Variants in TMPRSS11F observed in about 807,000 individuals in gnomAD.
The protein encoded by TMPRSS11F is transmembrane serine protease 11F.
Under a neutral mutation model 60.2 loss-of-function variants are expected in TMPRSS11F, and 47 were observed. The observed-to-expected ratio is 0.78, with a 90% CI of 0.62 to 1.00. The LOEUF is 1.00. TMPRSS11F is among the 50% of genes least tolerant of loss of function. TMPRSS11F has a pLI of 0.00. For missense variants in TMPRSS11F, 519 were observed against 522.9 expected (o/e 0.99, Z 0.07); for synonymous variants, 166 against 167.3 (o/e 0.99, Z 0.06).
At chr4:68,065,216 C>A (rs1723300401) in intron 7 of TMPRSS11F, among the ~76,000 whole-genome samples, 1 of 152,092 alleles carries the variant, frequency 6.6e-6, no homozygotes, top group Non-Finnish European at 1.5e-5. Flanking sequence ...TTTCAACAAA[C>A]TGTGTAGTAA....
chr4:68,123,986 G>A (rs535866897), intron 1 of TMPRSS11F, among the ~76,000 whole-genome samples: 6 of 152,020 alleles, frequency 3.9e-5, no homozygotes, highest in Non-Finnish European at 8.8e-5. Flanking sequence ...TCTGGGAGGC[G>A]GAGGCAGGTA....
At chr4:68,086,556 A>T (rs559208667) in intron 3 of TMPRSS11F, among the ~76,000 whole-genome samples, 17 of 152,222 alleles carry the variant, frequency 1.1e-4, no homozygotes, top group Admixed American at 5.2e-4. Context: ...AGACACAAAA[A>T]TCTGTTAAAA....
intron 1 of TMPRSS11F, among the ~76,000 whole-genome samples, chr4:68,108,564 A>G (rs1187544221): frequency 6.6e-6 from 1 of 152,160 alleles, no homozygotes; most frequent in East Asian, 1.9e-4. Flanking sequence ...CCCAGCCCCT[A>G]CTGATGTCTC....
At chr4:68,062,582 C>T in intron 8 of TMPRSS11F, 4 of 858,078 alleles carry the variant, frequency 4.7e-6, no homozygotes, top group Non-Finnish European at 8.1e-6. Context: ...ACGTACTTGC[C>T]GTCCTTTTGA....
intron 1 of TMPRSS11F, among the ~76,000 whole-genome samples, chr4:68,106,940 T>C (rs1724313950): frequency 6.6e-6 from 1 of 152,218 alleles, no homozygotes; most frequent in Non-Finnish European, 1.5e-5. Context: ...TATAGCTGAC[T>C]TTCAAAATCA....
rs954464488 is a variant in TMPRSS11F at position 68,090,790 on chromosome 4, C to T, written c.164-149G>A. On this transcript the variant is annotated intron_variant, in intron 2 of 9. Coordinates refer to ENST00000356291, the MANE Select transcript of TMPRSS11F (RefSeq NM_207407.2). Reference sequence around the variant, plus strand: ...TTCTTGAAGACACTTCTCAAATACTCTGTAATTTCACCACTGCTGCTGGTT... The same window carrying T: ...TTCTTGAAGACACTTCTCAAATACTTTGTAATTTCACCACTGCTGCTGGTT... The T allele has an allele frequency of 3.8e-6, 5 of 1,332,664 alleles. No individual in the cohort carries two copies. The African/African-American group carries it at 4.5e-5, about 12-fold the overall frequency. The allele number at this position is 1,332,664 out of a possible 1,614,324, so 82.6% of individuals were successfully genotyped here.
chr4:68,057,104 G>A (rs1723062604), intron 9 of TMPRSS11F, among the ~76,000 whole-genome samples: 1 of 151,924 alleles, frequency 6.6e-6, no homozygotes, highest in Non-Finnish European at 1.5e-5. Context: ...GGCCAACATG[G>A]AGAAACCTCA....
intron 9 of TMPRSS11F, 112 bp downstream of exon 9, chr4:68,059,214 T>C (rs900575571): frequency 2.2e-5 from 24 of 1,066,796 alleles, no homozygotes; most frequent in Non-Finnish European, 3.2e-5. Flanking sequence ...TAAAGTCAGT[T>C]CTCGGTGTAA....
intron 1 of TMPRSS11F, among the ~76,000 whole-genome samples, chr4:68,111,071 T>C (rs1724402055): frequency 6.6e-6 from 1 of 152,146 alleles, no homozygotes; most frequent in Admixed American, 6.6e-5. Context: ...GAGACTGTTT[T>C]TATACAAATT....
At chr4:68,054,856 AAACAAC>A (rs375147874) in intron 9 of TMPRSS11F, among the ~76,000 whole-genome samples, 3 of 152,150 alleles carry the variant, frequency 2.0e-5, no homozygotes, top group Non-Finnish European at 2.9e-5. Flanking sequence ...TTTAGGTTAA[AAACAAC>A]AACAACAACA....
chr4:68,087,580 C>T (rs1723838536), intron 3 of TMPRSS11F, among the ~76,000 whole-genome samples: 4 of 132,898 alleles, frequency 3.0e-5, no homozygotes, highest in Admixed American at 1.6e-4. Flanking sequence ...AATCTATCTT[C>T]ACAAATGATA....
intron 3 of TMPRSS11F, among the ~76,000 whole-genome samples, chr4:68,086,653 C>T (rs994688674): frequency 6.6e-5 from 10 of 151,796 alleles, no homozygotes; most frequent in South Asian, 4.2e-4. Context: ...AGAGACAATC[C>T]GTATAAATAC....
intron 1 of TMPRSS11F, among the ~76,000 whole-genome samples, chr4:68,120,673 C>T (rs940643333): frequency 3.3e-5 from 5 of 152,156 alleles, no homozygotes; most frequent in East Asian, 3.8e-4. Context: ...CAGGCGTGAG[C>T]CACCGCGCCC....
At chr4:68,084,573 G>A (rs992170261) in intron 3 of TMPRSS11F, among the ~76,000 whole-genome samples, 1 of 152,132 alleles carries the variant, frequency 6.6e-6, no homozygotes, top group Non-Finnish European at 1.5e-5. Context: ...AGCTTCATAA[G>A]TAAAGGAGAA....
chr4:68,102,681 T>C (rs990272020), intron 1 of TMPRSS11F, among the ~76,000 whole-genome samples: 3 of 152,176 alleles, frequency 2.0e-5, no homozygotes, highest in Non-Finnish European at 4.4e-5. Context: ...TCCCCACTAT[T>C]GGGTTGTATG....
chr4:68,072,353 T>TCAAAGACAA lies in TMPRSS11F; in HGVS notation c.475_483dup (p.Leu159_Leu161dup). The TCAAAGACAA allele has an allele frequency of 6.2e-7, 1 of 1,601,646 alleles. No individual in the cohort carries two copies. The highest frequency in any genetic ancestry group is 1.3e-5 in the African/African-American group (1 of 74,472). ...AGTCTAAATGATGGTTTGTTTATGG[T>TCAAAGACAA]CAAAGACAATTGTTTGGTCTTCAAA... On this transcript the variant is annotated inframe_insertion, in exon 5 of 10. Transcript: ENST00000356291.
intron 6 of TMPRSS11F, among the ~76,000 whole-genome samples, chr4:68,069,453 C>A (rs1234225797): frequency 6.6e-6 from 1 of 152,098 alleles, no homozygotes; most frequent in Non-Finnish European, 1.5e-5. Flanking sequence ...CCTCAATTGA[C>A]TAGATTTCAA....
At position 68,068,578 on chromosome 4, in the gene TMPRSS11F, A is replaced by G. The variant is rs769159898; in HGVS notation, c.755+40T>C. ...TGCGCTAAATCAGTGGCAGATGAGGACTGTGAAAAGAAGGCTCACAGCAGC... is the reference window on the plus strand; with the variant it reads ...TGCGCTAAATCAGTGGCAGATGAGGGCTGTGAAAAGAAGGCTCACAGCAGC... On this transcript the variant is annotated intron_variant, in intron 7 of 9. Transcript: ENST00000356291. 3.2e-6 allele frequency: 5 copies of G among 1,543,236 alleles called. No homozygotes were observed. In the East Asian group the frequency reaches 9.0e-5, roughly 28 times the overall value.
At chr4:68,062,477 G>A in intron 8 of TMPRSS11F, 1 of 675,572 alleles carries the variant, frequency 1.5e-6, no homozygotes, top group South Asian at 1.4e-5. Flanking sequence ...TGGCGACTTG[G>A]TAGAAACAGT....
Sources: allele counts gnomAD v4.1 joint callset (sites outside exome capture counted in the v4.1 genomes callset), GRCh38; gene constraint gnomAD v4.1.1; transcripts MANE v1.5; gene names NCBI Gene and HGNC (gene_info 2026-07-23, HGNC 2026-07-21).